ANKRD30A: variants seen among roughly 807,000 people sequenced by gnomAD.
ANKRD30A encodes ankyrin repeat domain-containing protein 30A.
A neutral mutation model predicts 166.3 loss-of-function variants in ANKRD30A; 170 were observed. The observed-to-expected ratio is 1.02, with a 90% CI of 0.90 to 1.16. ANKRD30A has a LOEUF of 1.16. Among genes scored for constraint, ANKRD30A ranks in the 50% most tolerant of loss-of-function variants. The pLI is 0.00. For missense variants in ANKRD30A, 1,630 were observed against 1,518.0 expected (o/e 1.07, Z -1.23); for synonymous variants, 564 against 508.9 (o/e 1.11, Z -1.46).
chr10:37,133,579 T>G (rs1384964540), intron 4 of ANKRD30A, among the ~76,000 whole-genome samples: 1 of 152,232 alleles, frequency 6.6e-6, no homozygotes, highest in Non-Finnish European at 1.5e-5. Flanking sequence ...TTGTCTGACT[T>G]CTAGCTGATT....
intron 4 of ANKRD30A, among the ~76,000 whole-genome samples, chr10:37,133,181 A>G (rs2132512484): frequency 6.6e-6 from 1 of 152,102 alleles, no homozygotes; most frequent in South Asian, 2.1e-4. Flanking sequence ...TTCATAGTGT[A>G]TTTTTATTTT....
chr10:37,200,617 C>T (rs1053086947), intron 30 of ANKRD30A, among the ~76,000 whole-genome samples: 30 of 152,178 alleles, frequency 2.0e-4, no homozygotes, highest in African/African-American at 7.0e-4. Flanking sequence ...TTTATTTAGA[C>T]ATGACATAAT....
At chr10:37,255,120 T>C in the ANKRD30A span, among the ~76,000 whole-genome samples, 1 of 152,216 alleles carries the variant, frequency 6.6e-6, no homozygotes, top group Non-Finnish European at 1.5e-5. Flanking sequence ...CCATAAAGGT[T>C]TATTGCTATT....
rs764180219 is a variant in ANKRD30A at position 37,152,054 on chromosome 10, T to G, written c.1646-6T>G. The G allele has an allele frequency of 1.2e-6, 2 of 1,605,436 alleles. No individual in the cohort carries two copies. Among genetic ancestry groups the G allele is most frequent in the South Asian group, 2.2e-5 (2 of 89,594 alleles). ...CATGAATGTTTCTGTGATTAACCTT[T>G]TATAGATCCGATGTTCCCACCAGAA... On this transcript the variant is annotated splice_polypyrimidine_tract_variant and splice_region_variant and intron_variant, in intron 11 of 35. Transcript: ENST00000361713.
the ANKRD30A span, among the ~76,000 whole-genome samples, chr10:37,264,062 A>C: frequency 3.9e-5 from 6 of 152,204 alleles, no homozygotes; most frequent in African/African-American, 9.6e-5. Flanking sequence ...GTTAAGAGGC[A>C]ATATCCATTT....
chr10:37,150,101 T>C (rs1449939357), intron 11 of ANKRD30A, among the ~76,000 whole-genome samples: 1 of 152,144 alleles, frequency 6.6e-6, no homozygotes, highest in African/African-American at 2.4e-5. Flanking sequence ...TTTACTATTT[T>C]GAACTTCTGT....
At chr10:37,261,399 C>T in the ANKRD30A span, among the ~76,000 whole-genome samples, 1 of 152,088 alleles carries the variant, frequency 6.6e-6, no homozygotes, top group Non-Finnish European at 1.5e-5. Context: ...CAAATTATTT[C>T]AGAACTCAGC....
At chr10:37,165,441 C>CTT in intron 18 of ANKRD30A, among the ~76,000 whole-genome samples, 1 of 152,194 alleles carries the variant, frequency 6.6e-6, no homozygotes. Flanking sequence ...GTACGTTTGT[C>CTT]TAAAAGCAAA....
intron 6 of ANKRD30A, among the ~76,000 whole-genome samples, chr10:37,137,790 C>T (rs1420130221): frequency 3.3e-5 from 5 of 152,286 alleles, no homozygotes; most frequent in African/African-American, 1.2e-4. Context: ...TAGACTCCAC[C>T]TCTGGGGGCA....
intron 25 of ANKRD30A, among the ~76,000 whole-genome samples, chr10:37,190,371 A>G (rs1840442454): frequency 6.6e-6 from 1 of 151,818 alleles, no homozygotes; most frequent in Non-Finnish European, 1.5e-5. Flanking sequence ...ATAGAAGGTC[A>G]GGACAGAAAA....
intron 34 of ANKRD30A, among the ~76,000 whole-genome samples, chr10:37,225,621 TA>T (rs760993240): frequency 6.6e-6 from 1 of 151,800 alleles, no homozygotes; most frequent in Non-Finnish European, 1.5e-5. Flanking sequence ...AAGAGATTTT[TA>T]AAAAAATTTT....
At chr10:37,229,585 A>T (rs1192688484) in intron 34 of ANKRD30A, among the ~76,000 whole-genome samples, 1 of 151,958 alleles carries the variant, frequency 6.6e-6, no homozygotes, top group Non-Finnish European at 1.5e-5. Flanking sequence ...GCCACAGAAC[A>T]CCAGAACTCA....
intron 31 of ANKRD30A, among the ~76,000 whole-genome samples, chr10:37,213,344 C>T (rs1259991056): frequency 4.6e-5 from 7 of 151,874 alleles, no homozygotes; most frequent in South Asian, 2.1e-4. Context: ...AAGAGGCTCT[C>T]TGGGGTTATT....
intron 6 of ANKRD30A, among the ~76,000 whole-genome samples, chr10:37,138,735 C>G (rs898985765): frequency 1.3e-5 from 2 of 152,112 alleles, no homozygotes; most frequent in Admixed American, 1.3e-4. Flanking sequence ...TGTGAAAAGA[C>G]CAAATCTACA....
chr10:37,149,612 C>T (rs758502755), intron 9 of ANKRD30A, 39 bp from the exon 10 acceptor site: 3 of 1,600,906 alleles, frequency 1.9e-6, no homozygotes, highest in East Asian at 4.5e-5. Flanking sequence ...CATTGTCATA[C>T]TTACTTATGA....
intron 25 of ANKRD30A, among the ~76,000 whole-genome samples, chr10:37,192,131 G>A (rs1840633262): frequency 6.6e-6 from 1 of 152,048 alleles, no homozygotes; most frequent in South Asian, 2.1e-4. Context: ...CCACCTCCTG[G>A]GTTCAAGTGA....
chr10:37,165,406 A>T (rs1295095841), intron 18 of ANKRD30A, among the ~76,000 whole-genome samples: 2 of 152,246 alleles, frequency 1.3e-5, no homozygotes, highest in Admixed American at 1.3e-4. Context: ...CTTAGAATTC[A>T]CTAGAAATTC....
intron 34 of ANKRD30A, among the ~76,000 whole-genome samples, chr10:37,230,056 T>G (rs980691929): frequency 6.6e-6 from 1 of 151,928 alleles, no homozygotes; most frequent in Admixed American, 6.6e-5. Flanking sequence ...CTATAGCACT[T>G]AAGAGAGCAT....
intron 17 of ANKRD30A, 94 bp downstream of exon 17, chr10:37,162,942 T>C: frequency 6.8e-7 from 1 of 1,462,556 alleles, no homozygotes; most frequent in South Asian, 1.3e-5. Context: ...TTTTTCAACT[T>C]TGATGAAAAG....
Sources: gnomAD v4.1 joint callset for allele counts (sites outside exome capture counted in the v4.1 genomes callset) on GRCh38, gnomAD v4.1.1 for gene constraint, MANE v1.5 for transcripts, NCBI Gene and HGNC (gene_info 2026-07-23, HGNC 2026-07-21) for gene names.